Variants in PLCH1 observed in about 807,000 individuals in gnomAD.
PLCH1 encodes the protein 1-phosphatidylinositol 4,5-bisphosphate phosphodiesterase eta-1.
Under a neutral mutation model 126.7 loss-of-function variants are expected in PLCH1, and 60 were observed. That is an observed-to-expected ratio of 0.47 (90% CI 0.38 to 0.59). PLCH1 has a LOEUF of 0.59. Among genes scored for constraint, PLCH1 ranks in the 20% least tolerant of loss-of-function variants. The pLI is 0.00. For synonymous variants in PLCH1, 719 were observed against 734.9 expected (o/e 0.98, Z 0.35); for missense variants, 1,723 against 2,040.0 (o/e 0.84, Z 2.99).
intron 2 of PLCH1, among the ~76,000 whole-genome samples, chr3:155,597,912 G>A (rs986182155): frequency 1.2e-4 from 18 of 152,096 alleles, no homozygotes; most frequent in East Asian, 3.9e-4. Flanking sequence ...GGCTGGGCGC[G>A]GTGGCTCATG....
chr3:155,523,265 C>A (rs113709495), intron 11 of PLCH1, among the ~76,000 whole-genome samples: 1 of 152,110 alleles, frequency 6.6e-6, no homozygotes, highest in Non-Finnish European at 1.5e-5. Context: ...CGTGAGCCAC[C>A]GCGCCAGGCC....
chr3:155,526,251 C>T (rs552611818), intron 10 of PLCH1, among the ~76,000 whole-genome samples: 2 of 152,138 alleles, frequency 1.3e-5, no homozygotes, highest in Non-Finnish European at 2.9e-5. Flanking sequence ...GGACCTAGTG[C>T]CCGACATCTA....
intron 10 of PLCH1, among the ~76,000 whole-genome samples, chr3:155,542,659 T>G (rs1281004671): frequency 6.6e-6 from 1 of 152,074 alleles, no homozygotes; most frequent in African/African-American, 2.4e-5. Flanking sequence ...GACTGACACC[T>G]CACACAGCCG....
chr3:155,523,200 TCTC>T (rs1721413833), intron 11 of PLCH1, among the ~76,000 whole-genome samples: 1 of 152,044 alleles, frequency 6.6e-6, no homozygotes, highest in Admixed American at 6.6e-5. Context: ...ATGGTCTCGA[TCTC>T]CTGACCTCGT....
At chr3:155,674,766 T>C (rs897558752) in intron 2 of PLCH1, among the ~76,000 whole-genome samples, 2 of 152,192 alleles carry the variant, frequency 1.3e-5, no homozygotes, top group African/African-American at 2.4e-5. Context: ...AGGAAAATTA[T>C]ATCAAATTTC....
intron 2 of PLCH1, among the ~76,000 whole-genome samples, chr3:155,608,975 T>C (rs1282534217): frequency 6.6e-6 from 1 of 152,140 alleles, no homozygotes; most frequent in Non-Finnish European, 1.5e-5. Flanking sequence ...AGAATAACTC[T>C]GCTCCCAGGA....
At chr3:155,457,466 C>G (rs1712479432) in intron 21 of PLCH1, 1 of 152,150 alleles carries the variant, frequency 6.6e-6, no homozygotes, top group African/African-American at 2.4e-5. Context: ...ACTAACAATT[C>G]TGAGGGTAAG....
chr3:155,672,944 T>A (rs1743679288), intron 2 of PLCH1, among the ~76,000 whole-genome samples: 1 of 151,768 alleles, frequency 6.6e-6, no homozygotes, highest in African/African-American at 2.4e-5. Context: ...TCTCCAGTGC[T>A]CCAGCCTCAC....
chr3:155,579,529 C>A (rs987289706), intron 6 of PLCH1, among the ~76,000 whole-genome samples: 2 of 152,192 alleles, frequency 1.3e-5, no homozygotes, highest in African/African-American at 4.8e-5. Context: ...CCTATTCCAC[C>A]ACACAGTCTA....
At chr3:155,576,551 C>T (rs1174504285) in intron 6 of PLCH1, among the ~76,000 whole-genome samples, 1 of 152,188 alleles carries the variant, frequency 6.6e-6, no homozygotes, top group African/African-American at 2.4e-5. Flanking sequence ...TATTTGATTT[C>T]ATAAAACCCT....
intron 2 of PLCH1, among the ~76,000 whole-genome samples, chr3:155,698,090 C>A (rs570595009): frequency 6.6e-6 from 1 of 152,230 alleles, no homozygotes; most frequent in African/African-American, 2.4e-5. Context: ...ATGGACTGGA[C>A]ACTTAATAGC....
At chr3:155,502,213 A>T (rs1718011625) in intron 13 of PLCH1, among the ~76,000 whole-genome samples, 1 of 152,138 alleles carries the variant, frequency 6.6e-6, no homozygotes. Flanking sequence ...AAACTGGCTA[A>T]CCTCACTAGC....
chr3:155,489,903 C>T (rs1715910344), intron 19 of PLCH1, among the ~76,000 whole-genome samples: 1 of 152,136 alleles, frequency 6.6e-6, no homozygotes, highest in South Asian at 2.1e-4. Flanking sequence ...CACTGAGATA[C>T]CTCTCTTGAA....
intron 11 of PLCH1, among the ~76,000 whole-genome samples, chr3:155,521,810 C>T (rs568374220): frequency 1.8e-3 from 223 of 127,290 alleles, no homozygotes; most frequent in African/African-American, 7.1e-3. Context: ...TGTTGATTTA[C>T]TTCTTTTCTC....
intron 2 of PLCH1, among the ~76,000 whole-genome samples, chr3:155,608,958 T>A (rs1290461095): frequency 6.6e-6 from 1 of 152,100 alleles, no homozygotes; most frequent in African/African-American, 2.4e-5. Context: ...TTACAGCAAC[T>A]CAAGACAGAA....
chr3:155,514,026 G>A (rs1408267973), intron 12 of PLCH1, among the ~76,000 whole-genome samples: 2 of 152,126 alleles, frequency 1.3e-5, no homozygotes, highest in African/African-American at 4.8e-5. Flanking sequence ...ATCATAGACA[G>A]GAGAACCAGA....
At chr3:155,463,146 A>G (rs1483461884) in intron 21 of PLCH1, among the ~76,000 whole-genome samples, 1 of 151,962 alleles carries the variant, frequency 6.6e-6, no homozygotes, top group East Asian at 1.9e-4. Context: ...TCAATTCTCT[A>G]TTACTGTCAT....
intron 9 of PLCH1, among the ~76,000 whole-genome samples, chr3:155,550,869 C>T (rs111932090): frequency 0.025 from 3,732 of 152,230 alleles, 93 homozygotes; most frequent in Non-Finnish European, 0.039. Context: ...TCATGACAAG[C>T]ACAAGTTCCA....
chr3:155,585,223 C>T (rs1731203174), intron 5 of PLCH1, among the ~76,000 whole-genome samples: 1 of 152,174 alleles, frequency 6.6e-6, no homozygotes, highest in South Asian at 2.1e-4. Flanking sequence ...TTTATTGTTG[C>T]AACACATACC....
Sources: gnomAD v4.1 joint callset for allele counts (sites outside exome capture counted in the v4.1 genomes callset) on GRCh38, gnomAD v4.1.1 for gene constraint, MANE v1.5 for transcripts, NCBI Gene and HGNC (gene_info 2026-07-23, HGNC 2026-07-21) for gene names.